PPP3CA: variants seen among roughly 807,000 people sequenced by gnomAD.
The protein encoded by PPP3CA is protein phosphatase 3 catalytic subunit alpha.
A neutral mutation model predicts 66.5 loss-of-function variants in PPP3CA; 14 were observed. The ratio of observed to expected loss-of-function variants is 0.21; its 90% CI spans 0.14 to 0.33. The LOEUF (loss-of-function observed/expected upper bound fraction) is 0.33. Among genes scored for constraint, PPP3CA ranks in the 10% least tolerant of loss-of-function variants. The probability of loss-of-function intolerance (pLI) is 1.00; values close to 1 mark genes in which losing one functional copy is unlikely to be tolerated. For synonymous variants in PPP3CA, 232 were observed against 226.2 expected (o/e 1.03, Z -0.23); for missense variants, 317 against 639.5 (o/e 0.50, Z 5.44).
chr4:101,188,145 T>C (rs1264115779), intron 2 of PPP3CA, among the ~76,000 whole-genome samples: 3 of 152,128 alleles, frequency 2.0e-5, no homozygotes, highest in Non-Finnish European at 4.4e-5. Context: ...GTATATCTTT[T>C]CGTATTAAAA....
At chr4:101,240,765 A>T (rs991639057) in intron 1 of PPP3CA, 13 of 152,174 alleles carry the variant, frequency 8.5e-5, no homozygotes, top group Admixed American at 7.2e-4. Flanking sequence ...AATTACTGTG[A>T]TCCAACCTTA....
chr4:101,095,522 T>C (rs776558946), intron 5 of PPP3CA, among the ~76,000 whole-genome samples: 24 of 152,174 alleles, frequency 1.6e-4, no homozygotes, highest in Non-Finnish European at 8.8e-5. Flanking sequence ...ATATCTAAAA[T>C]ATCCTGGGAA....
chr4:101,338,277 G>C (rs1259745227), intron 1 of PPP3CA, among the ~76,000 whole-genome samples: 3 of 152,178 alleles, frequency 2.0e-5, no homozygotes, highest in Non-Finnish European at 4.4e-5. Flanking sequence ...TATAATGCCA[G>C]TTAATAAAAT....
At chr4:101,326,867 T>C (rs755431480) in intron 1 of PPP3CA, among the ~76,000 whole-genome samples, 30 of 152,296 alleles carry the variant, frequency 2.0e-4, no homozygotes, top group Admixed American at 1.2e-3. Flanking sequence ...CTCTTAAATA[T>C]AGGCTAAATA....
intron 1 of PPP3CA, among the ~76,000 whole-genome samples, chr4:101,332,054 G>A (rs545403476): frequency 6.6e-5 from 10 of 152,322 alleles, no homozygotes; most frequent in African/African-American, 2.4e-4. Context: ...TGCAGCACTA[G>A]GTTAGAAGTA....
intron 2 of PPP3CA, among the ~76,000 whole-genome samples, chr4:101,155,040 T>C (rs1030522711): frequency 1.3e-5 from 2 of 151,946 alleles, no homozygotes; most frequent in Admixed American, 6.6e-5. Context: ...TGTTCTCAAT[T>C]TCTTGACCTC....
chr4:101,039,834 T>C lies in PPP3CA; in HGVS notation c.1241+648A>G, dbSNP rs898719262. On this transcript the variant is annotated intron_variant, in intron 11 of 13. Transcript: ENST00000394854. The stretch of plus-strand genomic sequence containing the variant: ...CTAATATGTATCATTTTGAATTGAC[T>C]GTAGACTCCTTACATATAAATATAT... Among the ~76,000 whole-genome samples the C allele has an allele frequency of 4.8e-5, 7 of 144,612 alleles. No individual in the cohort carries two copies. In the Admixed American group the frequency reaches 4.8e-4, roughly 10 times the overall value. The allele number at this position is 144,612 out of a possible 152,430, so 94.9% of individuals were successfully genotyped here.
At chr4:101,170,521 G>A (rs970602199) in intron 2 of PPP3CA, among the ~76,000 whole-genome samples, 6 of 151,874 alleles carry the variant, frequency 4.0e-5, no homozygotes, top group Non-Finnish European at 7.4e-5. Context: ...CTGGAAAGGA[G>A]TTAAGGGCTG....
rs3974660 is a variant in PPP3CA at position 101,346,877 on chromosome 4, ACGC to A, written c.-84_-82del. On this transcript the variant is annotated 5_prime_UTR_variant, in exon 1 of 14. Transcript: ENST00000394854. ...ACCGGACCGGCGGGCCAGACACTCA[ACGC>A]CGCCGCCGCCGCCGCCGCCGCCGCG... is the stretch of plus-strand genomic sequence containing the variant. The A allele has an allele frequency of 3.6e-3, 4,587 of 1,270,604 alleles. 3 individuals carry two copies. Among genetic ancestry groups the A allele is most frequent in the Middle Eastern group, 4.8e-3 (26 of 5,384 alleles). The allele number at this position is 1,270,604 out of a possible 1,614,324, so 78.7% of individuals were successfully genotyped here.
At chr4:101,198,132 T>G (rs764506528) in intron 1 of PPP3CA, among the ~76,000 whole-genome samples, 4 of 152,138 alleles carry the variant, frequency 2.6e-5, no homozygotes, top group Admixed American at 6.6e-5. Context: ...ATCTGAAGAT[T>G]AAACAAGGAG....
chr4:101,303,525 T>C (rs1342523731), intron 1 of PPP3CA, among the ~76,000 whole-genome samples: 3 of 152,226 alleles, frequency 2.0e-5, no homozygotes, highest in Admixed American at 1.3e-4. Flanking sequence ...TATTTTAATA[T>C]AGCTGCATGA....
chr4:101,081,603 G>T (rs1258283693), intron 7 of PPP3CA, among the ~76,000 whole-genome samples: 2 of 152,022 alleles, frequency 1.3e-5, no homozygotes, highest in African/African-American at 4.8e-5. Flanking sequence ...TCATTTCTTC[G>T]TTGATCTGTG....
chr4:101,147,603 G>C (rs923476015), intron 2 of PPP3CA, among the ~76,000 whole-genome samples: 1 of 152,054 alleles, frequency 6.6e-6, no homozygotes, highest in East Asian at 1.9e-4. Context: ...AACCAATCTG[G>C]ATTCTCTCCA....
intron 8 of PPP3CA, among the ~76,000 whole-genome samples, chr4:101,076,147 G>A (rs930881015): frequency 4.6e-5 from 7 of 152,196 alleles, no homozygotes; most frequent in African/African-American, 1.7e-4. Context: ...ATTCACAGGA[G>A]AAAATTCAAC....
rs114013704 is a variant in PPP3CA, at chr4:101,106,877, G to A, written c.384+2077C>T. The stretch of plus-strand genomic sequence containing the variant: ...GATGGAGCCTAGGCCCTGGCACCAC[G>A]CTGTGCCACATCAGTCTTGGATTGC... On this transcript the variant is annotated intron_variant, in intron 3 of 13. Transcript: ENST00000394854. 3.0e-3 allele frequency among the ~76,000 whole-genome samples: 453 copies of A among 152,290 alleles called. 4 individuals are homozygous for A. Among genetic ancestry groups the A allele is most frequent in the African/African-American group, 0.01 (421 of 41,576 alleles).
chr4:101,124,711 A>AAG (rs1491305493), intron 2 of PPP3CA, among the ~76,000 whole-genome samples: 2 of 97,560 alleles, frequency 2.1e-5, no homozygotes, highest in East Asian at 2.8e-4. Flanking sequence ...GAAAGAAAGA[A>AAG]AGAAAGAAAG....
intron 3 of PPP3CA, among the ~76,000 whole-genome samples, chr4:101,104,764 T>C (rs925226747): frequency 1.3e-5 from 2 of 152,212 alleles, no homozygotes; most frequent in African/African-American, 4.8e-5. Context: ...TAAATGTCCA[T>C]GCTATTTTAC....
chr4:101,281,440 T>C (rs1427103474), intron 1 of PPP3CA, among the ~76,000 whole-genome samples: 1 of 152,196 alleles, frequency 6.6e-6, no homozygotes. Context: ...TGCTCTTAAA[T>C]ACGTAAGAGG....
At chr4:101,211,164 G>T (rs1725286590) in intron 1 of PPP3CA, among the ~76,000 whole-genome samples, 1 of 151,988 alleles carries the variant, frequency 6.6e-6, no homozygotes, top group African/African-American at 2.4e-5. Flanking sequence ...AATAAGCAGG[G>T]GAAGCCAGGG....
Sources: allele counts gnomAD v4.1 joint callset (sites outside exome capture counted in the v4.1 genomes callset), GRCh38; gene constraint gnomAD v4.1.1; transcripts MANE v1.5; gene names NCBI Gene and HGNC (gene_info 2026-07-23, HGNC 2026-07-21).